The following ZSWIM6 variants were observed in gnomAD, a reference collection of about 807,000 sequenced individuals.
The protein encoded by ZSWIM6 is zinc finger SWIM domain-containing protein 6.
Under a neutral mutation model 113.2 loss-of-function variants are expected in ZSWIM6, and 9 were observed. That is an observed-to-expected ratio of 0.08 (90% CI 0.05 to 0.14). ZSWIM6 has a LOEUF of 0.14. ZSWIM6 is among the 10% of genes least tolerant of loss of function. The pLI, the probability that ZSWIM6 is intolerant of heterozygous loss-of-function variation, is 1.00. For synonymous variants in ZSWIM6, 611 were observed against 606.5 expected (o/e 1.01, Z -0.11); for missense variants, 1,162 against 1,552.2 (o/e 0.75, Z 4.22).
chr5:61,427,062 C>T (rs1008152711), intron 1 of ZSWIM6, among the ~76,000 whole-genome samples: 3 of 152,176 alleles, frequency 2.0e-5, no homozygotes, highest in South Asian at 2.1e-4. Context: ...CTATATCTTG[C>T]TCTTTATCAA....
intron 1 of ZSWIM6, among the ~76,000 whole-genome samples, chr5:61,340,447 G>A (rs1463606161): frequency 1.3e-5 from 2 of 152,120 alleles, no homozygotes; most frequent in Non-Finnish European, 2.9e-5. Context: ...ATATTTCAGT[G>A]ACCCCTCTGT....
intron 1 of ZSWIM6, among the ~76,000 whole-genome samples, chr5:61,397,452 T>G (rs564750142): frequency 1.6e-4 from 24 of 152,304 alleles, no homozygotes; most frequent in African/African-American, 5.8e-4. Context: ...TTTGTTTTTG[T>G]TGGTCTGCAC....
At chr5:61,539,022 A>T in intron 11 of ZSWIM6, 51 bp downstream of exon 11, 3 of 1,434,246 alleles carry the variant, frequency 2.1e-6, no homozygotes, top group Non-Finnish European at 2.8e-6. Context: ...TTGCCTGTTT[A>T]TTTTTTTTAA....
chr5:61,358,330 C>T (rs1187551035), intron 1 of ZSWIM6, among the ~76,000 whole-genome samples: 5 of 152,118 alleles, frequency 3.3e-5, no homozygotes, highest in Non-Finnish European at 7.4e-5. Flanking sequence ...TTTCCTCATT[C>T]TTTTAAGTTA....
chr5:61,332,548 G>T lies in ZSWIM6; in HGVS notation c.276G>T (p.Gln92His). The T allele has an allele frequency of 7.4e-7, 1 of 1,356,884 alleles. No individual in the cohort carries two copies. The highest frequency in any genetic ancestry group is 9.7e-7 in the Non-Finnish European group (1 of 1,027,386). 84.1% of individuals were successfully genotyped at this position (1,356,884 alleles called of 1,614,324 possible). ...ARRVAEKWPFQRVEERFERIP... is the reference protein window; with the variant it reads ...ARRVAEKWPFHRVEERFERIP... ...GGGTGGCGGAGAAGTGGCCGTTCCA[G>T]CGCGTGGAGGAGCGCTTTGAGCGCA... Residue 92 changes from glutamine (Q) to histidine (H), a missense_variant, in exon 1 of 14, where the codon CAG becomes CAT. Physicochemically the swap from Gln to His is conservative, Grantham distance 24. This residue lies in a region of ZSWIM6 where 333 missense variants were observed against 293.4 expected (regional missense o/e 1.13). Coordinates refer to ENST00000252744, the MANE Select transcript of ZSWIM6 (RefSeq NM_020928.2).
chr5:61,394,526 C>T (rs1048543912), intron 1 of ZSWIM6, among the ~76,000 whole-genome samples: 5 of 152,194 alleles, frequency 3.3e-5, no homozygotes, highest in Admixed American at 6.5e-5. Context: ...GACCTTTTCC[C>T]CATCTTCTTG....
At position 61,543,332 on chromosome 5, in the gene ZSWIM6, T is replaced by G. The variant is rs1216335064; in HGVS notation, c.2786-123T>G. The G allele has an allele frequency of 2.5e-6, 3 of 1,203,806 alleles. No individual in the cohort carries two copies. In the East Asian group the frequency reaches 7.7e-5, roughly 31 times the overall value. The allele number at this position is 1,203,806 out of a possible 1,614,324, so 74.6% of individuals were successfully genotyped here. ...CACAGGCACATTACTTTACAGGATT[T>G]TCTAGCCTAGCTCATGTCCTATGAT... On this transcript the variant is annotated intron_variant, in intron 13 of 13. Transcript: ENST00000252744. This position sits in a 1 kb window ranked among gnomAD's most constrained non-coding sequence, Gnocchi z 4.3.
intron 4 of ZSWIM6, among the ~76,000 whole-genome samples, chr5:61,494,932 C>T (rs942709702): frequency 5.3e-5 from 8 of 151,972 alleles, no homozygotes; most frequent in Non-Finnish European, 1.0e-4. Flanking sequence ...GTTAAAGATA[C>T]AAATATAGCA....
chr5:61,488,984 C>T (rs1379654825), intron 2 of ZSWIM6, among the ~76,000 whole-genome samples: 1 of 151,912 alleles, frequency 6.6e-6, no homozygotes, highest in African/African-American at 2.4e-5. Context: ...ATTCATTACT[C>T]TCAGGGAAAA....
chr5:61,526,753 A>G (rs909827800), intron 7 of ZSWIM6, among the ~76,000 whole-genome samples: 6 of 152,208 alleles, frequency 3.9e-5, no homozygotes, highest in African/African-American at 1.4e-4. Context: ...GACACAGCCT[A>G]TGCTTGAATC....
rs572744014 is a variant in ZSWIM6, at chr5:61,441,465, C to T, written c.677-31216C>T. 6.6e-5 allele frequency among the ~76,000 whole-genome samples: 10 copies of T among 152,178 alleles called. No individual in the cohort carries two copies. The South Asian group carries it at 1.9e-3, about 28-fold the overall frequency. On this transcript the variant is annotated intron_variant, in intron 1 of 13. Transcript: ENST00000252744. ...ATAGGGTGGTGGTTTTCAATCCTCC[C>T]CCTATATATTAAGCACAATTGCAAA... is the stretch of plus-strand genomic sequence containing the variant.
intron 1 of ZSWIM6, among the ~76,000 whole-genome samples, chr5:61,399,141 T>C (rs957324022): frequency 4.0e-5 from 6 of 151,146 alleles, no homozygotes; most frequent in Non-Finnish European, 8.8e-5. Context: ...GGCAGGCTGG[T>C]CTCAAACTCC....
intron 1 of ZSWIM6, among the ~76,000 whole-genome samples, chr5:61,370,340 C>G (rs1299177332): frequency 6.6e-6 from 1 of 152,218 alleles, no homozygotes; most frequent in Middle Eastern, 3.2e-3. Context: ...AAAAGTCATT[C>G]TATACCATTG....
intron 1 of ZSWIM6, among the ~76,000 whole-genome samples, chr5:61,443,038 C>T (rs974935435): frequency 6.6e-6 from 1 of 152,208 alleles, no homozygotes; most frequent in South Asian, 2.1e-4. Context: ...TATGAACACA[C>T]CAGCCTTTCA....
intron 1 of ZSWIM6, chr5:61,390,954 A>G: frequency 2.6e-6 from 2 of 765,360 alleles, no homozygotes; most frequent in South Asian, 1.3e-5. Context: ...CAGACAGGTC[A>G]TAGTCAGTGG....
intron 1 of ZSWIM6, among the ~76,000 whole-genome samples, chr5:61,462,796 T>G (rs146585290): frequency 2.0e-3 from 298 of 152,342 alleles, no homozygotes; most frequent in Middle Eastern, 6.8e-3. Context: ...TAGGTATTAT[T>G]ATCCCTTTTT....
chr5:61,494,302 A>T lies in ZSWIM6; in HGVS notation c.1225A>T (p.Met409Leu). 6.4e-7 allele frequency: 1 copy of T among 1,551,094 alleles called. No homozygotes were observed. Among genetic ancestry groups the T allele is most frequent in the Non-Finnish European group, 8.7e-7 (1 of 1,146,570 alleles). Reference sequence around the variant, plus strand: ...GATGAGGGACTCCAATGGGGCCCGCATGTTGACCTTGATAACAGAGCAATT... The same window carrying T: ...GATGAGGGACTCCAATGGGGCCCGCTTGTTGACCTTGATAACAGAGCAATT... ...LKMRDSNGARMLTLITEQFMA... is the reference protein window; with the variant it reads ...LKMRDSNGARLLTLITEQFMA... The change falls in exon 4 of 14, where the codon ATG (methionine) becomes TTG (leucine). Residue 409 changes from methionine to leucine, a missense_variant. Met to Leu is a conservative substitution (Grantham distance 15). This residue lies in a region of ZSWIM6 where 96 missense variants were observed against 240.3 expected (regional missense o/e 0.40). Coordinates refer to ENST00000252744, the MANE Select transcript of ZSWIM6 (RefSeq NM_020928.2).
At chr5:61,540,956 T>C (rs371749979) in intron 12 of ZSWIM6, among the ~76,000 whole-genome samples, 3 of 149,888 alleles carry the variant, frequency 2.0e-5, no homozygotes, top group African/African-American at 7.4e-5. Flanking sequence ...TGTTGTTTTG[T>C]TTTTTCAGAT....
chr5:61,347,351 G>T, intron 1 of ZSWIM6: 1 of 176,762 alleles, frequency 5.7e-6, no homozygotes, highest in Admixed American at 6.0e-5. Flanking sequence ...TGGAGATGAT[G>T]CAGGCTGGCC....
Sources: allele counts gnomAD v4.1 joint callset (sites outside exome capture counted in the v4.1 genomes callset), GRCh38; gene constraint gnomAD v4.1.1; regional missense constraint gnomAD v4.1.1; non-coding constraint Gnocchi (gnomAD v3.1); transcripts MANE v1.5; gene names NCBI Gene and HGNC (gene_info 2026-07-23, HGNC 2026-07-21).